The following ABCB4 variants were observed in gnomAD, a reference collection of about 807,000 sequenced individuals.
ABCB4 encodes the protein phosphatidylcholine translocator ABCB4.
ABCB4 carries 76 observed loss-of-function variants against 145.7 expected under a neutral mutation model. The observed-to-expected ratio is 0.52, with a 90% confidence interval of 0.43 to 0.63. The LOEUF (loss-of-function observed/expected upper bound fraction) is 0.63, where lower values mean the gene tolerates loss of function less well. Among genes scored for constraint, ABCB4 ranks in the 30% least tolerant of loss-of-function variants. The probability of loss-of-function intolerance (pLI) is 0.00; values close to 1 mark genes in which losing one functional copy is unlikely to be tolerated. For missense variants in ABCB4, 1,234 were observed against 1,553.1 expected (o/e 0.79, Z 3.45); for synonymous variants, 517 against 566.8 (o/e 0.91, Z 1.25).
In ABCB4 at chr7:87,462,851, T is replaced by G; in HGVS notation, c.193A>C (p.Ile65Leu). ...LFMSLGTIMA[I>L]AHGSGLPLMM... is the part of the protein sequence containing the mutation. Reference sequence around the variant, plus strand: ...AGGGGGAGACCTGATCCGTGAGCTATGGCCATGATGGTACCCAGCGACATA... The same window carrying G: ...AGGGGGAGACCTGATCCGTGAGCTAGGGCCATGATGGTACCCAGCGACATA... The change falls in exon 4 of 28, where the codon ATA (isoleucine) becomes CTA (leucine). Residue 65 changes from isoleucine to leucine, a missense_variant. By Grantham distance (5) the Ile-to-Leu change is conservative (BLOSUM62 2). Coordinates refer to ENST00000649586, the MANE Select transcript of ABCB4 (RefSeq NM_000443.4). 6.2e-7 allele frequency: 1 copy of G among 1,613,848 alleles called. No homozygotes were observed.
intron 14 of ABCB4, among the ~76,000 whole-genome samples, chr7:87,432,615 CAGTCACAAAAGATGACACATGGT>C (rs1158602326): frequency 6.6e-6 from 1 of 152,122 alleles, no homozygotes; most frequent in East Asian, 1.9e-4. Flanking sequence ...TGAAAGAAGC[CAGTCACAAAAGATGACACATGGT>C]ATGATTTTAT....
chr7:87,426,365 C>T (rs45620931), intron 16 of ABCB4, among the ~76,000 whole-genome samples: 6,045 of 152,248 alleles, frequency 0.04, 181 homozygotes, highest in Middle Eastern at 0.092. Flanking sequence ...TTTGCTTAAA[C>T]GGATGCTATT....
intron 8 of ABCB4, 110 bp from the exon 9 acceptor site, chr7:87,447,315 G>T: frequency 9.4e-7 from 1 of 1,066,576 alleles, no homozygotes; most frequent in Non-Finnish European, 1.4e-6. Flanking sequence ...GTCAGTCAAG[G>T]TAATGAACCC....
intron 23 of ABCB4, among the ~76,000 whole-genome samples, chr7:87,411,175 C>A (rs1201172936): frequency 6.6e-5 from 10 of 150,564 alleles, no homozygotes; most frequent in South Asian, 2.1e-4. Context: ...AAAAAAAAAA[C>A]CCAGCTCTTA....
the ABCB4 span, chr7:87,369,622 CTA>C: frequency 6.2e-4 from 135 of 217,870 alleles, no homozygotes; most frequent in Non-Finnish European, 8.5e-4. Flanking sequence ...AAAAAAAAAT[CTA>C]TTTGTATTTT....
At chr7:87,389,007 C>T in the ABCB4 span, among the ~76,000 whole-genome samples, 1 of 151,990 alleles carries the variant, frequency 6.6e-6, no homozygotes, top group Non-Finnish European at 1.5e-5. Flanking sequence ...ATGTGGCCAA[C>T]AAACAAATGA....
chr7:87,444,459 G>T (rs1149222), intron 10 of ABCB4, among the ~76,000 whole-genome samples: 102,521 of 151,916 alleles, frequency 0.67, 37,124 homozygotes, highest in Non-Finnish European at 0.8. Flanking sequence ...TTTTTGGAGA[G>T]GGGGAACCCA....
intron 17 of ABCB4, among the ~76,000 whole-genome samples, chr7:87,422,475 C>A (rs959155515): frequency 6.6e-6 from 1 of 152,130 alleles, no homozygotes; most frequent in Admixed American, 6.6e-5. Flanking sequence ...CAGAACTTTT[C>A]GCCTTCCCAA....
At chr7:87,414,911 T>C (rs1247645189) in intron 21 of ABCB4, among the ~76,000 whole-genome samples, 1 of 152,168 alleles carries the variant, frequency 6.6e-6, no homozygotes, top group East Asian at 1.9e-4. Flanking sequence ...TTTACACAGA[T>C]GAGAGAACCG....
chr7:87,431,561 C>T lies in ABCB4; in HGVS notation c.1736G>A (p.Arg579Lys). The change falls in exon 15 of 28, where the codon AGA (arginine) becomes AAA (lysine). Residue 579 changes from arginine to lysine, a missense_variant. Arg to Lys is a conservative substitution (Grantham distance 26). This residue lies in a region of ABCB4 where 467 missense variants were observed against 632.8 expected (regional missense o/e 0.74). Coordinates refer to ENST00000649586, the MANE Select transcript of ABCB4 (RefSeq NM_000443.4). ...AEVQAALDKA[R>K]EGRTTIVIAH... The stretch of plus-strand genomic sequence containing the variant: ...TATCACAATGGTGGTCCGGCCTTCT[C>T]TGGCCTAAAAGAACAAAAATGTGGT... 6.2e-7 allele frequency: 1 copy of T among 1,614,082 alleles called. No individual in the cohort carries two copies. Among genetic ancestry groups the T allele is most frequent in the South Asian group, 1.1e-5 (1 of 91,088 alleles).
intron 17 of ABCB4, among the ~76,000 whole-genome samples, chr7:87,422,473 T>C (rs1809514046): frequency 6.6e-6 from 1 of 152,202 alleles, no homozygotes; most frequent in Non-Finnish European, 1.5e-5. Context: ...TACAGAACTT[T>C]TCGCCTTCCC....
At chr7:87,431,687 G>C (rs1279001147) in intron 14 of ABCB4, 122 bp from the exon 15 acceptor site, 8 of 1,300,352 alleles carry the variant, frequency 6.2e-6, no homozygotes, top group Non-Finnish European at 7.7e-6. Flanking sequence ...TTATACTCCA[G>C]ATCTCTGCGT....
intron 4 of ABCB4, among the ~76,000 whole-genome samples, chr7:87,458,191 T>C (rs1812222695): frequency 6.6e-6 from 1 of 152,154 alleles, no homozygotes; most frequent in African/African-American, 2.4e-5. Context: ...TCTAGACTAT[T>C]ATAGTCACAG....
chr7:87,418,754 G>T, intron 19 of ABCB4, 134 bp from the exon 20 acceptor site: 1 of 796,490 alleles, frequency 1.3e-6, no homozygotes, highest in Non-Finnish European at 2.1e-6. Context: ...CCCTGGCCTT[G>T]CTCTGAGCAC....
chr7:87,417,280 C>T (rs902954491), intron 21 of ABCB4, 32 bp downstream of exon 21: 2 of 1,603,166 alleles, frequency 1.2e-6, no homozygotes, highest in Admixed American at 1.7e-5. Flanking sequence ...AAAAACAACA[C>T]TTAACACCAA....
rs747654191 is a variant in ABCB4, at chr7:87,429,903, CTT to C, written c.1893+1499_1893+1500del. On this transcript the variant is annotated intron_variant, in intron 15 of 27. Coordinates refer to ENST00000649586, the MANE Select transcript of ABCB4 (RefSeq NM_000443.4). ...TATCATCATCTAATTTGTGTCAGGTCTTTTTTTTTTTAAAAAAAAAAAAAGAA... is the reference window on the plus strand; with the variant it reads ...TATCATCATCTAATTTGTGTCAGGTCTTTTTTTTTAAAAAAAAAAAAAGAA... Among the ~76,000 whole-genome samples the C allele has an allele frequency of 4.4e-3, 572 of 130,760 alleles. 5 individuals carry two copies. Among genetic ancestry groups the C allele is most frequent in the African/African-American group, 0.017 (542 of 32,676 alleles). The allele number at this position is 130,760 out of a possible 152,430, so 85.8% of individuals were successfully genotyped here.
rs754287486 is a variant in ABCB4 at position 87,452,954 on chromosome 7, G to A, written c.526C>T (p.Arg176Trp). ...TAACAATGTACCTACTCTGTTAGCC[G>A]CGTATTGAGTTCAGTGGTGTCGTTG... ...DINDTTELNT[R>W]LTDDISKISE... The change falls in exon 6 of 28, where the codon CGG (arginine) becomes TGG (tryptophan). Residue 176 changes from arginine to tryptophan, a missense_variant. By Grantham distance (101) the Arg-to-Trp change is moderately radical. Around this residue, in one of 7 missense-constraint regions of ABCB4, gnomAD observed 467 missense variants for 632.8 expected, o/e 0.74. Transcript: ENST00000649586. The A allele has an allele frequency of 1.5e-5, 24 of 1,613,628 alleles. No individual in the cohort carries two copies. In the Middle Eastern group the frequency reaches 1.3e-3, roughly 88 times the overall value.
chr7:87,392,494 T>G, the ABCB4 span: 165 of 1,186,908 alleles, frequency 1.4e-4, no homozygotes, highest in Middle Eastern at 2.0e-4. Context: ...CTAATTACAA[T>G]GAGCTTAGGA....
chr7:87,415,599 G>A (rs1562956375), intron 21 of ABCB4, among the ~76,000 whole-genome samples: 3 of 152,114 alleles, frequency 2.0e-5, no homozygotes, highest in South Asian at 2.1e-4. Flanking sequence ...GAATAACAGG[G>A]TTTTAGCTGG....
Sources: gnomAD v4.1 joint callset for allele counts (sites outside exome capture counted in the v4.1 genomes callset) on GRCh38, gnomAD v4.1.1 for gene constraint, gnomAD v4.1.1 regional missense constraint, MANE v1.5 for transcripts, NCBI Gene and HGNC (gene_info 2026-07-23, HGNC 2026-07-21) for gene names.